Variants in LSAMP observed in about 807,000 individuals in gnomAD.
LSAMP encodes limbic system associated membrane protein.
A neutral mutation model predicts 38.6 loss-of-function variants in LSAMP; 7 were observed. That is an observed-to-expected ratio of 0.18 (90% CI 0.10 to 0.34). The LOEUF is 0.34. Ranked by LOEUF, LSAMP falls within the 10% of genes least tolerant of loss-of-function variation. LSAMP has a pLI of 1.00. For missense variants in LSAMP, 313 were observed against 420.0 expected (o/e 0.75, Z 2.23); for synonymous variants, 154 against 166.8 (o/e 0.92, Z 0.59).
At chr3:116,173,146 C>A (rs961260415) in intron 1 of LSAMP, among the ~76,000 whole-genome samples, 11 of 151,922 alleles carry the variant, frequency 7.2e-5, no homozygotes, top group African/African-American at 2.7e-4. Flanking sequence ...ACTTGCACAT[C>A]CCTGCAATCT....
chr3:116,208,377 G>A (rs530204172), intron 1 of LSAMP, among the ~76,000 whole-genome samples: 1 of 151,602 alleles, frequency 6.6e-6, no homozygotes, highest in African/African-American at 2.4e-5. Flanking sequence ...TAATTTGATT[G>A]TCTGAAGCCT....
intron 1 of LSAMP, among the ~76,000 whole-genome samples, chr3:116,146,157 T>C (rs750054951): frequency 1.3e-4 from 19 of 151,892 alleles, no homozygotes; most frequent in Non-Finnish European, 2.4e-4. Flanking sequence ...TTTTTAAAGT[T>C]CTAGCTTTAT....
intron 2 of LSAMP, among the ~76,000 whole-genome samples, chr3:116,029,821 T>A (rs1244080339): frequency 1.3e-5 from 2 of 151,978 alleles, no homozygotes; most frequent in Non-Finnish European, 2.9e-5. Flanking sequence ...CCTAAAGGTG[T>A]AAGCTGGGTA....
chr3:115,818,790 TTATATATATATATATATATA>T (rs66654115), intron 6 of LSAMP, among the ~76,000 whole-genome samples: 12 of 69,788 alleles, frequency 1.7e-4, no homozygotes, highest in Non-Finnish European at 2.4e-4. Context: ...AGTTGTACTT[TTATATATATATATATATATA>T]TATATATATA....
intron 2 of LSAMP, among the ~76,000 whole-genome samples, chr3:116,078,374 G>T (rs1707796243): frequency 6.6e-6 from 1 of 151,136 alleles, no homozygotes; most frequent in South Asian, 2.1e-4. Flanking sequence ...GCCCAGGCTG[G>T]AGCGCAGTGG....
At chr3:116,342,867 T>C (rs2048015271) in intron 1 of LSAMP, among the ~76,000 whole-genome samples, 1 of 152,092 alleles carries the variant, frequency 6.6e-6, no homozygotes, top group Admixed American at 6.6e-5. Context: ...AGCTCTAACT[T>C]TCTATGACTC....
chr3:116,384,242 C>T (rs574201862), intron 1 of LSAMP, among the ~76,000 whole-genome samples: 2 of 152,246 alleles, frequency 1.3e-5, no homozygotes, highest in South Asian at 2.1e-4. Context: ...TGCTACCTCA[C>T]GTCTCAATTT....
chr3:116,215,284 GTC>G (rs2046206286), intron 1 of LSAMP, among the ~76,000 whole-genome samples: 3 of 152,106 alleles, frequency 2.0e-5, no homozygotes, highest in Non-Finnish European at 1.5e-5. Flanking sequence ...CTGGTCTTTG[GTC>G]ACTCAGGTAG....
At chr3:115,962,763 C>G (rs113807378) in intron 3 of LSAMP, among the ~76,000 whole-genome samples, 225 of 152,316 alleles carry the variant, frequency 1.5e-3, no homozygotes, top group African/African-American at 5.0e-3. Context: ...AGGACATTGC[C>G]TTCGCATGGG....
chr3:116,046,010 T>C (rs1382046182), intron 2 of LSAMP, among the ~76,000 whole-genome samples: 1 of 152,206 alleles, frequency 6.6e-6, no homozygotes, highest in Non-Finnish European at 1.5e-5. Flanking sequence ...TTTTGAAAAT[T>C]TGGCCTTTGT....
intron 1 of LSAMP, among the ~76,000 whole-genome samples, chr3:116,262,643 G>A (rs1310508109): frequency 6.7e-6 from 1 of 149,286 alleles, no homozygotes; most frequent in Admixed American, 6.6e-5. Flanking sequence ...CTAAAACTCA[G>A]TTAGACTATT....
At chr3:116,256,494 A>G (rs762277269) in intron 1 of LSAMP, among the ~76,000 whole-genome samples, 6 of 152,216 alleles carry the variant, frequency 3.9e-5, no homozygotes, top group Non-Finnish European at 8.8e-5. Flanking sequence ...AGTAAAATTG[A>G]AGAATTGGTT....
chr3:116,122,283 C>T (rs1160514852), intron 1 of LSAMP, among the ~76,000 whole-genome samples: 1 of 152,154 alleles, frequency 6.6e-6, no homozygotes, highest in Non-Finnish European at 1.5e-5. Flanking sequence ...CATATATGCA[C>T]ATGGAAACAC....
chr3:116,012,514 T>C (rs933824503), intron 3 of LSAMP, among the ~76,000 whole-genome samples: 1 of 152,214 alleles, frequency 6.6e-6, no homozygotes, highest in African/African-American at 2.4e-5. Context: ...AGAATGGATA[T>C]ATGAATAAGC....
At chr3:115,817,416 G>A (rs1934065900) in intron 6 of LSAMP, among the ~76,000 whole-genome samples, 1 of 152,176 alleles carries the variant, frequency 6.6e-6, no homozygotes, top group Admixed American at 6.5e-5. Flanking sequence ...CTAGTGCTTA[G>A]ATTAGAGCTT....
chr3:116,057,967 A>ACACACACACCCACC (rs60594472), intron 2 of LSAMP, among the ~76,000 whole-genome samples: 6 of 147,542 alleles, frequency 4.1e-5, no homozygotes, highest in Non-Finnish European at 9.0e-5. Context: ...CCACACACAC[A>ACACACACACCCACC]CACACACACA....
chr3:116,390,974 G>T (rs1410893968), intron 1 of LSAMP, among the ~76,000 whole-genome samples: 1 of 151,980 alleles, frequency 6.6e-6, no homozygotes, highest in Non-Finnish European at 1.5e-5. Context: ...CTCTCCTTGG[G>T]CTGCTGGTTT....
chr3:115,833,929 T>C (rs1934701241), intron 6 of LSAMP, among the ~76,000 whole-genome samples: 1 of 152,154 alleles, frequency 6.6e-6, no homozygotes, highest in Non-Finnish European at 1.5e-5. Flanking sequence ...CTAAATACGA[T>C]GTAGGAGGCA....
chr3:115,825,856 A>C (rs1023080720), intron 6 of LSAMP, among the ~76,000 whole-genome samples: 3 of 152,214 alleles, frequency 2.0e-5, no homozygotes, highest in Non-Finnish European at 4.4e-5. Context: ...TGAAATGTAC[A>C]TACATTGTTG....
Sources: gnomAD v4.1 joint callset for allele counts (sites outside exome capture counted in the v4.1 genomes callset) on GRCh38, gnomAD v4.1.1 for gene constraint, MANE v1.5 for transcripts, NCBI Gene and HGNC (gene_info 2026-07-23, HGNC 2026-07-21) for gene names.